KRCC1: variants seen among roughly 807,000 people sequenced by gnomAD.
The protein encoded by KRCC1 is lysine-rich coiled-coil protein 1.
A neutral mutation model predicts 7.4 loss-of-function variants in KRCC1; 3 were observed. The observed-to-expected ratio is 0.40, with a 90% CI of 0.18 to 1.04. The LOEUF (loss-of-function observed/expected upper bound fraction) is 1.04. KRCC1 is among the 50% of genes least tolerant of loss of function. The probability of loss-of-function intolerance (pLI) is 0.33; values close to 1 mark genes in which losing one functional copy is unlikely to be tolerated. For missense variants in KRCC1, 277 were observed against 300.9 expected, an observed-to-expected ratio of 0.92 and a Z score of 0.59; for synonymous variants, 102 against 101.6, an observed-to-expected ratio of 1.00 and a Z score of -0.02.
chr2:88,042,373 C>T (rs946276419), intron 1 of KRCC1, among the ~76,000 whole-genome samples: 4 of 151,970 alleles, frequency 2.6e-5, no homozygotes. Context: ...ACCACTATTC[C>T]TAAATGAGGT....
intron 3 of KRCC1, among the ~76,000 whole-genome samples, 150 bp downstream of exon 3, chr2:88,033,981 TATA>T (rs201171392): frequency 0.032 from 4,875 of 152,282 alleles, 115 homozygotes; most frequent in Non-Finnish European, 0.044. Flanking sequence ...GGTATATTCA[TATA>T]ATATTATTCA....
chr2:88,029,050 G>C (rs1024934028), intron 3 of KRCC1, among the ~76,000 whole-genome samples: 1 of 152,150 alleles, frequency 6.6e-6, no homozygotes, highest in African/African-American at 2.4e-5. Flanking sequence ...ATATGCCAAA[G>C]GGTAGCATCA....
chr2:88,027,946 G>A lies in KRCC1; in HGVS notation c.618C>T (p.Thr206=), dbSNP rs1372037757. ...TAAGCTTTTCTGTACTGACATGTAC[G>A]GTTTCTATTTCCACCTCTGTTTTCT... The part of the protein sequence containing the change: ...QRKKTEVEIE[T]VHVSTEKLKN... The change falls in exon 4 of 4, where the codon ACC becomes ACT. Residue 206 remains threonine (T), a synonymous_variant. Coordinates refer to ENST00000347055, the MANE Select transcript of KRCC1 (RefSeq NM_016618.3). 10 of 1,613,450 alleles carry A rather than the reference G, an allele frequency of 6.2e-6. No individual in the cohort carries two copies. In the East Asian group the frequency reaches 6.7e-5, roughly 11 times the overall value.
At chr2:88,037,597 T>C (rs544092899) in intron 1 of KRCC1, among the ~76,000 whole-genome samples, 1 of 152,282 alleles carries the variant, frequency 6.6e-6, no homozygotes, top group South Asian at 2.1e-4. Context: ...TTTGTAGAGA[T>C]GGGGTTTCGC....
chr2:88,055,264 CT>C (rs972729248), intron 1 of KRCC1, among the ~76,000 whole-genome samples: 1 of 152,146 alleles, frequency 6.6e-6, no homozygotes, highest in African/African-American at 2.4e-5. Flanking sequence ...GGGCTTTTCT[CT>C]ATTTATCCCT....
At chr2:88,046,847 T>G (rs943904306) in intron 1 of KRCC1, among the ~76,000 whole-genome samples, 1 of 151,912 alleles carries the variant, frequency 6.6e-6, no homozygotes, top group South Asian at 2.1e-4. Context: ...ATTTTTTATA[T>G]TTTTTTTGCA....
chr2:88,041,549 A>G (rs1335013855), intron 1 of KRCC1, among the ~76,000 whole-genome samples: 1 of 152,218 alleles, frequency 6.6e-6, no homozygotes, highest in Non-Finnish European at 1.5e-5. Flanking sequence ...TGTACCTTGA[A>G]ATTCCTTACA....
intron 1 of KRCC1, among the ~76,000 whole-genome samples, chr2:88,049,734 T>C (rs1024115520): frequency 6.6e-6 from 1 of 152,246 alleles, no homozygotes; most frequent in Non-Finnish European, 1.5e-5. Context: ...CAATTCTTAG[T>C]CATTTTAACA....
intron 1 of KRCC1, among the ~76,000 whole-genome samples, chr2:88,049,148 T>A (rs1673410633): frequency 6.6e-6 from 1 of 152,168 alleles, no homozygotes; most frequent in African/African-American, 2.4e-5. Context: ...ACAAATGAAG[T>A]AACAAAGTCA....
At chr2:88,036,167 TCTA>T (rs748596968) in intron 2 of KRCC1, among the ~76,000 whole-genome samples, 4 of 152,182 alleles carry the variant, frequency 2.6e-5, no homozygotes, top group Non-Finnish European at 2.9e-5. Context: ...AGTAAATGTA[TCTA>T]CTACTTTTGG....
chr2:88,050,748 A>C (rs1673459558), intron 1 of KRCC1, among the ~76,000 whole-genome samples: 1 of 152,232 alleles, frequency 6.6e-6, no homozygotes, highest in African/African-American at 2.4e-5. Flanking sequence ...AAAGTGTTTG[A>C]GAAACTTCAC....
intron 3 of KRCC1, among the ~76,000 whole-genome samples, chr2:88,028,900 C>T (rs1672939094): frequency 1.3e-5 from 2 of 152,152 alleles, no homozygotes; most frequent in Non-Finnish European, 2.9e-5. Flanking sequence ...ATCCATCCAC[C>T]TCAGCCTCCC....
intron 3 of KRCC1, among the ~76,000 whole-genome samples, chr2:88,031,041 T>C (rs941523300): frequency 1.3e-5 from 2 of 150,730 alleles, no homozygotes; most frequent in African/African-American, 2.4e-5. Context: ...AACTGGTTTA[T>C]GATTTATTTA....
chr2:88,046,877 T>C (rs936575743), intron 1 of KRCC1, among the ~76,000 whole-genome samples: 15 of 152,154 alleles, frequency 9.9e-5, no homozygotes, highest in Non-Finnish European at 2.1e-4. Flanking sequence ...TCTTGCTTTG[T>C]TGCCCAGGTT....
At chr2:88,039,462 G>A (rs879835843) in intron 1 of KRCC1, among the ~76,000 whole-genome samples, 66 of 152,148 alleles carry the variant, frequency 4.3e-4, no homozygotes, top group Non-Finnish European at 8.2e-4. Context: ...AGAGGCGGGC[G>A]GATTACTTGA....
intron 1 of KRCC1, among the ~76,000 whole-genome samples, chr2:88,050,167 C>T (rs1573086571): frequency 6.6e-6 from 1 of 152,252 alleles, no homozygotes. Flanking sequence ...GGGTTATTAG[C>T]TAGATTTTCT....
intron 1 of KRCC1, among the ~76,000 whole-genome samples, chr2:88,043,435 A>T (rs2104618415): frequency 6.6e-6 from 1 of 152,340 alleles, no homozygotes; most frequent in African/African-American, 2.4e-5. Flanking sequence ...AACCTCAGGG[A>T]ATCTCATTAT....
At chr2:88,055,471 C>T (rs1413027933) in intron 1 of KRCC1, among the ~76,000 whole-genome samples, 155 bp downstream of exon 1, 1 of 151,910 alleles carries the variant, frequency 6.6e-6, no homozygotes, top group Non-Finnish European at 1.5e-5. Flanking sequence ...GGGCGGCGGC[C>T]GGTGAGGGGT....
intron 1 of KRCC1, among the ~76,000 whole-genome samples, chr2:88,041,353 A>C: frequency 6.8e-6 from 1 of 147,730 alleles, no homozygotes; most frequent in African/African-American, 2.7e-5. Context: ...ATCCCCCAGA[A>C]GGAGAGAAGT....
Sources: allele counts gnomAD v4.1 joint callset (sites outside exome capture counted in the v4.1 genomes callset), GRCh38; gene constraint gnomAD v4.1.1; transcripts MANE v1.5; gene names NCBI Gene and HGNC (gene_info 2026-07-23, HGNC 2026-07-21).